Variants in LMF1 observed in about 807,000 individuals in gnomAD.
LMF1 encodes the protein transmembrane protein 112.
A neutral mutation model predicts 60.6 loss-of-function variants in LMF1; 68 were observed. That is an observed-to-expected ratio of 1.12 (90% confidence interval 0.92 to 1.37). The LOEUF is 1.37. LMF1 is among the 40% of genes most tolerant of loss of function. The probability of loss-of-function intolerance (pLI) is 0.00; values close to 1 mark genes in which losing one functional copy is unlikely to be tolerated. For missense variants in LMF1, 948 were observed against 767.2 expected (o/e 1.24, Z -2.78); for synonymous variants, 418 against 324.7 (o/e 1.29, Z -3.09).
intron 3 of LMF1, among the ~76,000 whole-genome samples, chr16:919,345 G>A (rs960900321): frequency 9.9e-5 from 15 of 152,108 alleles, no homozygotes; most frequent in Admixed American, 4.6e-4. Flanking sequence ...ACATGCCCGC[G>A]GCAGGGGGCA....
chr16:870,955 T>C, intron 7 of LMF1, 73 bp from the exon 8 acceptor site: 1 of 1,508,212 alleles, frequency 6.6e-7, no homozygotes. Flanking sequence ...AGACCCCAGC[T>C]GCTGCTCCCT....
chr16:979,910 A>G (rs1053956633), intron 1 of LMF1: 8 of 376,042 alleles, frequency 2.1e-5, no homozygotes, highest in African/African-American at 6.3e-5. Context: ...TCTGAGGGCC[A>G]CGGAAGGATG....
chr16:940,855 T>C (rs2151795090), intron 2 of LMF1, among the ~76,000 whole-genome samples: 1 of 152,314 alleles, frequency 6.6e-6, no homozygotes, highest in East Asian at 1.9e-4. Context: ...CTTTTTTTTG[T>C]TTGTTTAGTT....
At position 857,121 on chromosome 16, in the gene LMF1, G is replaced by A. The variant is rs575521777; in HGVS notation, c.1530-2415C>T. Among the ~76,000 whole-genome samples, 44 of 152,360 alleles carry A rather than the reference G, an allele frequency of 2.9e-4. No homozygotes were observed. The East Asian group carries it at 6.8e-3, about 23-fold the overall frequency. On this transcript the variant is annotated intron_variant, in intron 10 of 10. Transcript: ENST00000262301. ...GCTTCCTTCCTCCTCGTCGCTGACCGGCGTCTGCGGCGTGAGTGCACCCTA... is the reference window on the plus strand; with the variant it reads ...GCTTCCTTCCTCCTCGTCGCTGACCAGCGTCTGCGGCGTGAGTGCACCCTA...
rs530734841 is a variant in LMF1, at chr16:928,736, C to T, written c.514+5508G>A. On this transcript the variant is annotated intron_variant, in intron 3 of 10. Coordinates refer to ENST00000262301, the MANE Select transcript of LMF1 (RefSeq NM_022773.4). ...CCCACGGGCCCACCCCACACCCCCA[C>T]GGGCCCATCCCCACGCCCCCACGGG... Among the ~76,000 whole-genome samples, 219 of 151,476 alleles carry T rather than the reference C, an allele frequency of 1.4e-3. 1 individual carries two copies. Among genetic ancestry groups the T allele is most frequent in the African/African-American group, 4.9e-3 (204 of 41,300 alleles).
intron 2 of LMF1, among the ~76,000 whole-genome samples, chr16:953,888 GC>G: frequency 1.2e-5 from 1 of 83,974 alleles, no homozygotes; most frequent in Non-Finnish European, 2.4e-5. Context: ...CCCCAAACCA[GC>G]CTCCTACACG....
chr16:935,781 G>A (rs1169059480), intron 2 of LMF1, among the ~76,000 whole-genome samples: 2 of 152,204 alleles, frequency 1.3e-5, no homozygotes, highest in Non-Finnish European at 2.9e-5. Context: ...GGCCCTCAGG[G>A]CCCACTGCCC....
At chr16:870,104 C>T (rs776622861) in intron 8 of LMF1, 38 bp from the exon 9 acceptor site, 8 of 1,588,306 alleles carry the variant, frequency 5.0e-6, no homozygotes, top group South Asian at 1.1e-5. Flanking sequence ...CCACGTCACA[C>T]ACCGGCTGGG....
chr16:905,563 C>T (rs1268260328), intron 4 of LMF1, among the ~76,000 whole-genome samples: 1 of 152,224 alleles, frequency 6.6e-6, no homozygotes, highest in Non-Finnish European at 1.5e-5. Flanking sequence ...TGCATGTTTC[C>T]TTTTGTGAAG....
chr16:979,558 C>T, intron 1 of LMF1: 1 of 440,688 alleles, frequency 2.3e-6, no homozygotes. Flanking sequence ...TGCCACTCCC[C>T]AACCTCAGTC....
rs1334479194 is a variant in LMF1, at chr16:853,901, A to G, written c.*631T>C. 2 of 453,900 alleles carry G rather than the reference A, an allele frequency of 4.4e-6. No homozygotes were observed. Among genetic ancestry groups the G allele is most frequent in the Non-Finnish European group, 8.8e-6 (2 of 226,768 alleles). 28.1% of individuals were successfully genotyped at this position (453,900 alleles called of 1,614,324 possible). A position where few individuals can be genotyped will look rare whatever the true frequency, so the allele number is the denominator to read the frequency against. On this transcript the variant is annotated 3_prime_UTR_variant, in exon 11 of 11. Transcript: ENST00000262301. The stretch of plus-strand genomic sequence containing the variant: ...CATGGGGGGATGAAACCGGGCCAAG[A>G]ACACATGTGTGCACAGGCTGTGTGT...
chr16:976,676 G>A (rs905678397), intron 1 of LMF1: 10 of 454,000 alleles, frequency 2.2e-5, no homozygotes, highest in African/African-American at 1.4e-4. Context: ...GAGACGGATA[G>A]GCCCAGCCAG....
chr16:900,434 T>C (rs12925210), intron 4 of LMF1: 64,412 of 152,060 alleles, frequency 0.42, 15,524 homozygotes, highest in African/African-American at 0.66. Flanking sequence ...GGTGTGAGCC[T>C]CGCAGAGCCG....
chr16:887,107 T>TA (rs2070331347), intron 5 of LMF1: 1 of 152,090 alleles, frequency 6.6e-6, no homozygotes. Flanking sequence ...CGGGCCCCCA[T>TA]ATCTGAGGGC....
intron 5 of LMF1, among the ~76,000 whole-genome samples, chr16:887,668 T>C (rs2070349833): frequency 6.6e-6 from 1 of 151,222 alleles, no homozygotes; most frequent in Non-Finnish European, 1.5e-5. Context: ...CCACGCAGAG[T>C]GCGCGCTCCT....
intron 1 of LMF1, among the ~76,000 whole-genome samples, chr16:978,434 G>A (rs1439919176): frequency 2.6e-5 from 4 of 152,100 alleles, no homozygotes; most frequent in African/African-American, 9.7e-5. Flanking sequence ...CTCTCATCTG[G>A]AAGCATCCCC....
intron 6 of LMF1, chr16:872,151 C>T (rs532660583): frequency 2.6e-5 from 4 of 152,320 alleles, no homozygotes; most frequent in Admixed American, 2.6e-4. Context: ...ATCAGGGAGA[C>T]AGGGGCAGCT....
chr16:941,470 G>T (rs912018695), intron 2 of LMF1, among the ~76,000 whole-genome samples: 1 of 152,222 alleles, frequency 6.6e-6, no homozygotes, highest in African/African-American at 2.4e-5. Flanking sequence ...TGATCTGCCT[G>T]CCTTGGCCTC....
chr16:855,776 C>T (rs1213278888), intron 10 of LMF1: 3 of 455,926 alleles, frequency 6.6e-6, no homozygotes, highest in East Asian at 6.9e-5. Flanking sequence ...CTTCACACTG[C>T]ACCAGGGCCC....
Sources: allele counts gnomAD v4.1 joint callset (sites outside exome capture counted in the v4.1 genomes callset), GRCh38; gene constraint gnomAD v4.1.1; transcripts MANE v1.5; gene names NCBI Gene and HGNC (gene_info 2026-07-23, HGNC 2026-07-21).